Variants in NSUN3 observed in about 807,000 individuals in gnomAD.
NSUN3 encodes tRNA (cytosine(34)-C(5))-methyltransferase, mitochondrial.
In NSUN3, 24 loss-of-function variants were observed where a neutral mutation model predicts 36.8. That is an observed-to-expected ratio of 0.65 (90% CI 0.47 to 0.92). The LOEUF is 0.92. NSUN3 is among the 40% of genes least tolerant of loss of function. The pLI is 0.00. For missense variants in NSUN3, 381 were observed against 392.8 expected (o/e 0.97, Z 0.25); for synonymous variants, 146 against 145.2 (o/e 1.01, Z -0.04).
At chr3:94,092,286 C>T (rs1175422848) in intron 3 of NSUN3, among the ~76,000 whole-genome samples, 1 of 152,194 alleles carries the variant, frequency 6.6e-6, no homozygotes, top group Non-Finnish European at 1.5e-5. Context: ...CCCTGAGAGA[C>T]TGACCAAAGC....
At chr3:94,115,211 TTGAG>T (rs1210305241) in intron 5 of NSUN3, among the ~76,000 whole-genome samples, 2 of 152,212 alleles carry the variant, frequency 1.3e-5, no homozygotes. Flanking sequence ...GAAATATTAA[TTGAG>T]TATTAAATGG....
intron 5 of NSUN3, among the ~76,000 whole-genome samples, chr3:94,100,179 T>G (rs1442004296): frequency 6.6e-6 from 1 of 151,988 alleles, no homozygotes; most frequent in Admixed American, 6.6e-5. Flanking sequence ...AGTGAAGAGG[T>G]AAATAAGGGA....
At chr3:94,092,920 A>AG (rs2077321727) in intron 3 of NSUN3, among the ~76,000 whole-genome samples, 1 of 65,390 alleles carries the variant, frequency 1.5e-5, no homozygotes, top group African/African-American at 6.4e-5. Flanking sequence ...ACTGCATCTC[A>AG]AAAAAAAAAA....
At chr3:94,076,118 G>C in intron 2 of NSUN3, 1 of 1,428,958 alleles carries the variant, frequency 7.0e-7, no homozygotes, top group Non-Finnish European at 9.9e-7. Context: ...TGCATCTTCT[G>C]GGGATTGTTC....
At chr3:94,064,233 T>A in intron 1 of NSUN3, 1 of 559,752 alleles carries the variant, frequency 1.8e-6, no homozygotes, top group Non-Finnish European at 3.2e-6. Context: ...GCTTCACATT[T>A]GGAAAATAAT....
In NSUN3 at chr3:94,123,671, C is replaced by G. The variant is rs114068101; in HGVS notation, c.744-2540C>G. On this transcript the variant is annotated intron_variant, in intron 5 of 5. Coordinates refer to ENST00000314622, the MANE Select transcript of NSUN3 (RefSeq NM_022072.5). ...TGTCACCTCGTCTCAGATTACCACC[C>G]CTGGCTCACCTTGCTCCAGCCACAC... Among the ~76,000 whole-genome samples the G allele has an allele frequency of 4.8e-3, 733 of 152,234 alleles. 2 individuals carry two copies. Among genetic ancestry groups the G allele is most frequent in the South Asian group, 0.019 (93 of 4,828 alleles).
rs752876215 is a variant in NSUN3 at position 94,109,486 on chromosome 3, G to A, written c.743+14332G>A. ...CTGTTTAAGTAGTCTGTTTTATTGC[G>A]TCACTGCTTCTGGTGGTAGGCTTTA... is the stretch of plus-strand genomic sequence containing the variant. On this transcript the variant is annotated intron_variant, in intron 5 of 5. Coordinates refer to ENST00000314622, the MANE Select transcript of NSUN3 (RefSeq NM_022072.5). Among the ~76,000 whole-genome samples, 9 of 152,120 alleles carry A rather than the reference G, an allele frequency of 5.9e-5. No individual in the cohort carries two copies. The East Asian group carries it at 7.7e-4, about 13-fold the overall frequency.
chr3:94,070,865 A>G (rs770329431), intron 2 of NSUN3, among the ~76,000 whole-genome samples: 30 of 152,226 alleles, frequency 2.0e-4, no homozygotes, highest in Non-Finnish European at 3.7e-4. Flanking sequence ...AACAAAAGTA[A>G]AGGAGCCTTG....
At chr3:94,078,131 T>C (rs954554248) in intron 2 of NSUN3, among the ~76,000 whole-genome samples, 3 of 152,224 alleles carry the variant, frequency 2.0e-5, no homozygotes, top group African/African-American at 7.2e-5. Context: ...GAGATTCTGG[T>C]ATGTTGTGTC....
At chr3:94,083,692 T>C (rs2077280700) in intron 2 of NSUN3, among the ~76,000 whole-genome samples, 1 of 152,182 alleles carries the variant, frequency 6.6e-6, no homozygotes, top group Non-Finnish European at 1.5e-5. Context: ...ATGTGGGGGT[T>C]TGCAAAGGGA....
At chr3:94,082,776 CA>C (rs1190860266) in intron 2 of NSUN3, among the ~76,000 whole-genome samples, 1 of 152,146 alleles carries the variant, frequency 6.6e-6, no homozygotes, top group East Asian at 1.9e-4. Flanking sequence ...GGACCGAATG[CA>C]AATTTAACAG....
At position 94,095,120 on chromosome 3, in the gene NSUN3, A is replaced by G. The variant is rs2077332224; in HGVS notation, c.709A>G (p.Arg237Gly). 1.2e-6 allele frequency: 2 copies of G among 1,613,854 alleles called. No individual in the cohort carries two copies. Among genetic ancestry groups the G allele is most frequent in the African/African-American group, 1.3e-5 (1 of 75,006 alleles). Residue 237 changes from arginine to glycine, a missense_variant, in exon 5 of 6, where the codon AGG (arginine) becomes GGG (glycine). Arg to Gly is a moderately radical substitution (Grantham distance 125). Transcript: ENST00000314622. The part of the protein sequence containing the change: ...QKASCRISQR[R>G]NLPLLQIELL... ...GGCATCCTGTAGGATAAGTCAAAGG[A>G]GGAATTTGCCTCTTCTACAGATAGA...
intron 1 of NSUN3, 95 bp from the exon 2 acceptor site, chr3:94,064,342 A>G: frequency 1.4e-6 from 1 of 727,846 alleles, no homozygotes. Flanking sequence ...TATCCAAAAA[A>G]AGTGTTCTTG....
In NSUN3 at chr3:94,095,126, T is replaced by C. The variant is rs1160472819; in HGVS notation, c.715T>C (p.Leu239=). The C allele has an allele frequency of 6.2e-6, 10 of 1,613,906 alleles. No individual in the cohort carries two copies. Among genetic ancestry groups the C allele is most frequent in the Non-Finnish European group, 8.5e-6 (10 of 1,179,848 alleles). The change falls in exon 5 of 6, where the codon TTG becomes CTG. Residue 239 remains leucine (L), a synonymous_variant. Transcript: ENST00000314622. Reference sequence around the variant, plus strand: ...CTGTAGGATAAGTCAAAGGAGGAATTTGCCTCTTCTACAGATAGAGCTGTT... The same window carrying C: ...CTGTAGGATAAGTCAAAGGAGGAATCTGCCTCTTCTACAGATAGAGCTGTT... ...ASCRISQRRN[L]PLLQIELLRS...
In NSUN3 at chr3:94,122,419, C is replaced by T. The variant is rs150415769; in HGVS notation, c.744-3792C>T. On this transcript the variant is annotated intron_variant, in intron 5 of 5. Coordinates refer to ENST00000314622, the MANE Select transcript of NSUN3 (RefSeq NM_022072.5). ...GTCACCCCCAAATCTCTAAATAATA[C>T]GTTTATTCATTTTCTAAAATTGTCA... Among the ~76,000 whole-genome samples, 717 of 152,206 alleles carry T rather than the reference C, an allele frequency of 4.7e-3. 10 individuals are homozygous for T. Among genetic ancestry groups the T allele is most frequent in the African/African-American group, 0.016 (680 of 41,544 alleles).
At chr3:94,084,719 A>G in intron 3 of NSUN3, 1 of 336,202 alleles carries the variant, frequency 3.0e-6, no homozygotes, top group Non-Finnish European at 5.4e-6. Flanking sequence ...GAATGCTGAT[A>G]AGCCTGATAG....
At chr3:94,098,857 C>A (rs984283675) in intron 5 of NSUN3, among the ~76,000 whole-genome samples, 1 of 152,110 alleles carries the variant, frequency 6.6e-6, no homozygotes, top group African/African-American at 2.4e-5. Flanking sequence ...GGATATTGTC[C>A]TCATGTCCTT....
chr3:94,115,946 G>T (rs150468515), intron 5 of NSUN3, among the ~76,000 whole-genome samples: 32 of 152,248 alleles, frequency 2.1e-4, no homozygotes, highest in Admixed American at 5.9e-4. Flanking sequence ...TTAAATTTTG[G>T]TTATGTTTTG....
chr3:94,107,788 T>A lies in NSUN3; in HGVS notation c.743+12634T>A, dbSNP rs187263467. On this transcript the variant is annotated intron_variant, in intron 5 of 5. Transcript: ENST00000314622. ...AGTGGCCATGTTCCGTAAAGTCAAG[T>A]TTACTTTAAAAAGGTTACCAAACTG... Among the ~76,000 whole-genome samples, 7 of 152,136 alleles carry A rather than the reference T, an allele frequency of 4.6e-5. No homozygotes were observed. The East Asian group carries it at 9.7e-4, about 21-fold the overall frequency.
Sources: gnomAD v4.1 joint callset for allele counts (sites outside exome capture counted in the v4.1 genomes callset) on GRCh38, gnomAD v4.1.1 for gene constraint, MANE v1.5 for transcripts, NCBI Gene and HGNC (gene_info 2026-07-23, HGNC 2026-07-21) for gene names.